The following CAPN10 variants were observed in gnomAD, a reference collection of about 807,000 sequenced individuals.
The protein encoded by CAPN10 is calpain-10.
Under a neutral mutation model 78.4 loss-of-function variants are expected in CAPN10, and 71 were observed. That is an observed-to-expected ratio of 0.91 (90% CI 0.75 to 1.10). The LOEUF is 1.10. CAPN10 is among the 50% of genes least tolerant of loss of function. The pLI is 0.00. For missense variants in CAPN10, 849 were observed against 924.6 expected (o/e 0.92, Z 1.06); for synonymous variants, 437 against 407.2 (o/e 1.07, Z -0.88).
chr2:240,597,631 G>A (rs1051280314), intron 9 of CAPN10, among the ~76,000 whole-genome samples: 10 of 152,182 alleles, frequency 6.6e-5, no homozygotes, highest in African/African-American at 1.4e-4. Flanking sequence ...CCCTTGGGGC[G>A]GGCTGGGCAG....
In CAPN10 at chr2:240,590,956, C is replaced by T. The variant is rs151024127; in HGVS notation, c.415C>T (p.Arg139Cys). ...CCTTGCAGGGAGACTCTGTTTCTCC[C>T]GCTGCCAGAGGGAGGATGTGTTCTG... is the stretch of plus-strand genomic sequence containing the variant. Reference protein sequence around the residue: ...PCLAGRLCFSRCQREDVFWLP... With the variant: ...PCLAGRLCFSCCQREDVFWLP... The change falls in exon 3 of 12, where the codon CGC (arginine) becomes TGC (cysteine). Residue 139 changes from arginine to cysteine, a missense_variant. Arg to Cys is a radical substitution (Grantham distance 180). Transcript: ENST00000391984. 5.9e-5 allele frequency: 95 copies of T among 1,614,108 alleles called. No individual in the cohort carries two copies. The African/African-American group carries it at 6.1e-4, about 10-fold the overall frequency.
chr2:240,592,999 T>C (rs1286569092), intron 4 of CAPN10: 1 of 155,068 alleles, frequency 6.4e-6, no homozygotes, highest in Non-Finnish European at 1.4e-5. Flanking sequence ...GGGTCCCCCA[T>C]AAGCAGACCC....
In CAPN10 at chr2:240,596,932, A is replaced by G. The variant is rs770325392; in HGVS notation, c.1733A>G (p.His578Arg). 8.1e-6 allele frequency: 13 copies of G among 1,613,384 alleles called. No homozygotes were observed. Among genetic ancestry groups the G allele is most frequent in the South Asian group, 1.1e-5 (1 of 91,090 alleles). The change falls in exon 9 of 12, where the codon CAT (histidine) becomes CGT (arginine). Residue 578 changes from histidine (H) to arginine (R), a missense_variant. By Grantham distance (29) the His-to-Arg change is conservative (BLOSUM62 0). Coordinates refer to ENST00000391984, the MANE Select transcript of CAPN10 (RefSeq NM_023083.4). The stretch of plus-strand genomic sequence containing the variant: ...ACCGAGTTCCACCCCATCGGCTTCC[A>G]TATCTTCCAGGCAAGCTCCTTGCCC... Reference protein sequence around the residue: ...SDTEFHPIGFHIFQVPEGGRS... With the variant: ...SDTEFHPIGFRIFQVPEGGRS...
rs1257956089 is a variant in CAPN10 at position 240,586,975 on chromosome 2, G to T, written c.64G>T (p.Ala22Ser). The T allele has an allele frequency of 6.7e-7, 1 of 1,483,592 alleles. No individual in the cohort carries two copies. The highest frequency in any genetic ancestry group is 2.4e-5 in the Admixed American group (1 of 42,084). The allele number at this position is 1,483,592 out of a possible 1,614,324, so 91.9% of individuals were successfully genotyped here. ...ELFRDAAFPA[A>S]DSSLFCDLST... ...GTTCCGGGACGCCGCCTTCCCCGCCGCGGACTCCTCGCTCTTCTGCGACTT... is the reference window on the plus strand; with the variant it reads ...GTTCCGGGACGCCGCCTTCCCCGCCTCGGACTCCTCGCTCTTCTGCGACTT... The change falls in exon 1 of 12, where the codon GCG becomes TCG. Residue 22 changes from alanine (A) to serine (S), a missense_variant. Ala to Ser is a moderately conservative substitution (Grantham distance 99, BLOSUM62 1). Coordinates refer to ENST00000391984, the MANE Select transcript of CAPN10 (RefSeq NM_023083.4).
intron 7 of CAPN10, chr2:240,595,955 C>T (rs1370291384): frequency 2.2e-6 from 3 of 1,356,718 alleles, no homozygotes; most frequent in Non-Finnish European, 2.9e-6. Flanking sequence ...TGGCACCACA[C>T]TGTTCCCTGT....
chr2:240,597,534 G>A (rs900307921), intron 9 of CAPN10, among the ~76,000 whole-genome samples: 62 of 152,194 alleles, frequency 4.1e-4, no homozygotes, highest in Admixed American at 1.0e-3. Context: ...GCTGCCTGGG[G>A]ACCCTTGGAC....
At position 240,587,004 on chromosome 2, in the gene CAPN10, T is replaced by C; in HGVS notation, c.93T>C (p.Ser31=). ...ACTCCTCGCTCTTCTGCGACTTGTC[T>C]ACGCCGCTGGCCCAGTTCCGCGAGG... ...AADSSLFCDL[S]TPLAQFREDI... Residue 31 remains serine, a synonymous_variant, in exon 1 of 12, where the codon TCT becomes TCC. Transcript: ENST00000391984. 1.3e-6 allele frequency: 2 copies of C among 1,485,150 alleles called. No individual in the cohort carries two copies. The highest frequency in any genetic ancestry group is 1.3e-5 in the South Asian group (1 of 77,794). 92.0% of individuals were successfully genotyped at this position (1,485,150 alleles called of 1,614,324 possible).
chr2:240,591,988 G>T lies in CAPN10; in HGVS notation c.526G>T (p.Asp176Tyr). Residue 176 changes from aspartate (D) to tyrosine (Y), a missense_variant, in exon 4 of 12, where the codon GAC becomes TAC. Coordinates refer to ENST00000391984, the MANE Select transcript of CAPN10 (RefSeq NM_023083.4). ...WAGQVADALV[D>Y]LTGGLAERWN... ...CGGGCAGGTGGCGGATGCCCTGGTG[G>T]ACCTGACCGGCGGCCTGGCAGAAAG... 1 of 1,613,502 alleles carries T rather than the reference G, an allele frequency of 6.2e-7. No individual in the cohort carries two copies. Among genetic ancestry groups the T allele is most frequent in the African/African-American group, 1.3e-5 (1 of 75,064 alleles).
chr2:240,598,751 G>T lies in CAPN10; in HGVS notation c.*71G>T. 1 of 1,417,766 alleles carries T rather than the reference G, an allele frequency of 7.1e-7. No individual in the cohort carries two copies. The highest frequency in any genetic ancestry group is 1.4e-5 in the African/African-American group (1 of 70,774). The allele number at this position is 1,417,766 out of a possible 1,614,324, so 87.8% of individuals were successfully genotyped here. A position where few individuals can be genotyped will look rare whatever the true frequency, so the allele number is the denominator to read the frequency against. On this transcript the variant is annotated 3_prime_UTR_variant, in exon 12 of 12. Transcript: ENST00000391984. The stretch of plus-strand genomic sequence containing the variant: ...CTGACAGGTTCCCAGCAGCTGGGCC[G>T]GCCAGCCTTGCACTGTGGGGGCTGG...
rs1281496903 is a variant in CAPN10 at position 240,595,240 on chromosome 2, C to T, written c.1214C>T (p.Thr405Ile). ...RARALVGDSH[T>I]SWSPASIPGK... Reference sequence around the variant, plus strand: ...CGGGCACTGGTGGGTGACAGTCATACTTCGTGGAGCCCAGCGAGCATCCCG... The same window carrying T: ...CGGGCACTGGTGGGTGACAGTCATATTTCGTGGAGCCCAGCGAGCATCCCG... The change falls in exon 7 of 12, where the codon ACT becomes ATT. Residue 405 changes from threonine to isoleucine, a missense_variant. Coordinates refer to ENST00000391984, the MANE Select transcript of CAPN10 (RefSeq NM_023083.4). The T allele has an allele frequency of 6.2e-7, 1 of 1,613,666 alleles. No homozygotes were observed. The highest frequency in any genetic ancestry group is 1.7e-5 in the Admixed American group (1 of 60,030).
chr2:240,593,236 G>A (rs377397044), intron 4 of CAPN10, among the ~76,000 whole-genome samples: 3 of 152,264 alleles, frequency 2.0e-5, no homozygotes, highest in African/African-American at 7.2e-5. Flanking sequence ...AAGCCCCCAG[G>A]CAGAGAGAGA....
chr2:240,596,240 G>T, intron 7 of CAPN10, 79 bp from the exon 8 acceptor site: 1 of 1,504,884 alleles, frequency 6.6e-7, no homozygotes, highest in Non-Finnish European at 8.9e-7. Flanking sequence ...AGGCCCTTGT[G>T]CTTGCAGCAG....
rs766511704 is a variant in CAPN10, at chr2:240,595,293, C to T, written c.1267C>T (p.His423Tyr). Residue 423 changes from histidine (H) to tyrosine (Y), a missense_variant, in exon 7 of 12, where the codon CAC becomes TAC. His to Tyr is a moderately conservative substitution (Grantham distance 83, BLOSUM62 2). Coordinates refer to ENST00000391984, the MANE Select transcript of CAPN10 (RefSeq NM_023083.4). ...PGKHYQAVGL[H>Y]LWKVEKRRVN... is the part of the protein sequence containing the mutation. ...CAAGCACTACCAGGCTGTGGGTCTG[C>T]ACCTCTGGAAGGTAACTCAGCCCCG... The T allele has an allele frequency of 8.7e-6, 14 of 1,613,150 alleles. No homozygotes were observed. Among genetic ancestry groups the T allele is most frequent in the Middle Eastern group, 1.6e-4 (1 of 6,062 alleles).
At chr2:240,594,394 G>T in intron 5 of CAPN10, 149 bp from the exon 6 acceptor site, 1 of 783,194 alleles carries the variant, frequency 1.3e-6, no homozygotes, top group South Asian at 1.7e-5. Flanking sequence ...GCTGCTTCGG[G>T]TGTGGGAGGG....
chr2:240,596,328 C>A lies in CAPN10; in HGVS notation c.1288C>A (p.Arg430=). The change falls in exon 8 of 12, where the codon CGG becomes AGG. Residue 430 remains arginine (R), a synonymous_variant. Coordinates refer to ENST00000391984, the MANE Select transcript of CAPN10 (RefSeq NM_023083.4). ...CTGCACGTGCTCACAGGTAGAGAAG[C>A]GGCGGGTCAATCTGCCTAGGGTCCT... The part of the protein sequence containing the change: ...VGLHLWKVEK[R]RVNLPRVLSM... 1 of 1,599,018 alleles carries A rather than the reference C, an allele frequency of 6.3e-7. No individual in the cohort carries two copies.
chr2:240,591,027 G>A lies in CAPN10; in HGVS notation c.470+16G>A. ...TCTACGCCAAGTGCGTGTGCTGGGG[G>A]CTGAAGGGCCTGGCCTGGGGCAAGT... On this transcript the variant is annotated intron_variant, in intron 3 of 11. Coordinates refer to ENST00000391984, the MANE Select transcript of CAPN10 (RefSeq NM_023083.4). 2 of 1,610,616 alleles carry A rather than the reference G, an allele frequency of 1.2e-6. No individual in the cohort carries two copies. The highest frequency in any genetic ancestry group is 1.7e-6 in the Non-Finnish European group (2 of 1,177,712).
rs1396691385 is a variant in CAPN10, at chr2:240,592,136, T to C, written c.674T>C (p.Leu225Pro). The C allele has an allele frequency of 3.2e-6, 5 of 1,567,252 alleles. 1 individual carries two copies. In the South Asian group the frequency reaches 4.7e-5, roughly 15 times the overall value. Residue 225 changes from leucine to proline, a missense_variant, in exon 4 of 12, where the codon CTC (leucine) becomes CCC (proline). Physicochemically the swap from Leu to Pro is moderately conservative, Grantham distance 98. Transcript: ENST00000391984. Reference protein sequence around the residue: ...KDQCLISCCVLSPRAGARELG... With the variant: ...KDQCLISCCVPSPRAGARELG... ...CAGTGTCTGATCAGCTGCTGCGTGC[T>C]CAGCCCCAGAGCAGGTGAGGCACGT...
chr2:240,597,629 G>T (rs1206838348), intron 9 of CAPN10, among the ~76,000 whole-genome samples: 1 of 152,200 alleles, frequency 6.6e-6, no homozygotes, highest in African/African-American at 2.4e-5. Flanking sequence ...AGCCCTTGGG[G>T]CGGGCTGGGC....
intron 10 of CAPN10, 33 bp from the exon 11 acceptor site, chr2:240,598,319 G>T: frequency 6.2e-7 from 1 of 1,612,816 alleles, no homozygotes; most frequent in Non-Finnish European, 8.5e-7. Context: ...GACAAGTGCA[G>T]TCTGGGAGCG....
Sources: allele counts gnomAD v4.1 joint callset (sites outside exome capture counted in the v4.1 genomes callset), GRCh38; gene constraint gnomAD v4.1.1; transcripts MANE v1.5; gene names NCBI Gene and HGNC (gene_info 2026-07-23, HGNC 2026-07-21).